The following ZNF441 variants were observed in gnomAD, a reference collection of about 807,000 sequenced individuals.
The protein encoded by ZNF441 is zinc finger protein 441.
ZNF441 carries 25 observed loss-of-function variants against 64.5 expected under a neutral mutation model. That is an observed-to-expected ratio of 0.39 (90% CI 0.28 to 0.54). The LOEUF is 0.54. Ranked by LOEUF, ZNF441 falls within the 20% of genes least tolerant of loss-of-function variation. ZNF441 has a pLI of 0.70. For missense variants in ZNF441, 715 were observed against 843.3 expected (o/e 0.85, Z 1.88); for synonymous variants, 262 against 268.0 (o/e 0.98, Z 0.22).
intron 3 of ZNF441, among the ~76,000 whole-genome samples, chr19:11,779,334 A>G (rs958281315): frequency 8.6e-5 from 13 of 150,638 alleles, no homozygotes; most frequent in Middle Eastern, 3.4e-3. Context: ...AAAAAAAAAA[A>G]AAAGAAAAAG....
At chr19:11,777,783 T>C (rs1231579682) in intron 2 of ZNF441, 46 bp downstream of exon 2, 2 of 1,580,756 alleles carry the variant, frequency 1.3e-6, no homozygotes, top group East Asian at 2.3e-5. Flanking sequence ...GAGACATTTG[T>C]TTCTTGGTCA....
chr19:11,772,018 G>T (rs1405163959), intron 1 of ZNF441, among the ~76,000 whole-genome samples: 2 of 152,124 alleles, frequency 1.3e-5, no homozygotes, highest in African/African-American at 4.8e-5. Context: ...TCTAGATAGC[G>T]GTAGTAAATT....
chr19:11,767,032 A>C lies in ZNF441; in HGVS notation c.-162A>C. On this transcript the variant is annotated 5_prime_UTR_variant, in exon 1 of 4. Transcript: ENST00000357901. This position sits in a 1 kb window ranked among gnomAD's most constrained non-coding sequence, Gnocchi z 5.1. ...AGGCGCACTGACCGGAGGAGGGTGC[A>C]AGGTTCAAAGAGCCCGCCGAGTCTT... The C allele has an allele frequency of 9.6e-7, 1 of 1,037,428 alleles. No individual in the cohort carries two copies. Among genetic ancestry groups the C allele is most frequent in the Admixed American group, 2.3e-5 (1 of 43,202 alleles). The allele number at this position is 1,037,428 out of a possible 1,614,324, so 64.3% of individuals were successfully genotyped here. A position where few individuals can be genotyped will look rare whatever the true frequency, so the allele number is the denominator to read the frequency against.
chr19:11,782,043 C>G lies in ZNF441; in HGVS notation c.*137C>G, dbSNP rs544050239. The G allele has an allele frequency of 1.2e-3, 763 of 614,960 alleles. 1 individual carries two copies. Among genetic ancestry groups the G allele is most frequent in the Middle Eastern group, 7.0e-3 (15 of 2,134 alleles). The allele number at this position is 614,960 out of a possible 1,614,324, so 38.1% of individuals were successfully genotyped here. A position where few individuals can be genotyped will look rare whatever the true frequency, so the allele number is the denominator to read the frequency against. Reference sequence around the variant, plus strand: ...TAAAACCTTCCATTTTTTTCAGTACCTTTTGAAAACATGACCAAACTCATA... The same window carrying G: ...TAAAACCTTCCATTTTTTTCAGTACGTTTTGAAAACATGACCAAACTCATA... On this transcript the variant is annotated 3_prime_UTR_variant, in exon 4 of 4. Transcript: ENST00000357901.
rs1358207168 is a variant in ZNF441 at position 11,781,453 on chromosome 19, C to A, written c.1629C>A (p.Ser543=). 2 of 1,613,944 alleles carry A rather than the reference C, an allele frequency of 1.2e-6. No individual in the cohort carries two copies. Among genetic ancestry groups the A allele is most frequent in the South Asian group, 2.2e-5 (2 of 91,072 alleles). Reference sequence around the variant, plus strand: ...TATGTGGGAAAGGCTTCAGGTCTTCCAGTTACATTCAACTACATGAAAGGA... The same window carrying A: ...TATGTGGGAAAGGCTTCAGGTCTTCAAGTTACATTCAACTACATGAAAGGA... ...CKLCGKGFRS[S]SYIQLHERTH... Residue 543 remains serine (S), a synonymous_variant, in exon 4 of 4, where the codon TCC becomes TCA. Transcript: ENST00000357901.
Position 11,771,302 on chromosome 19 carries a change from T to C in ZNF441, c.3+4106T>C, listed in dbSNP as rs1036096883. The stretch of plus-strand genomic sequence containing the variant: ...ACATGGAATGGACCAATTCCTTGAA[T>C]GACACAAGCTACCAAAACTCACAAA... On this transcript the variant is annotated intron_variant, in intron 1 of 3. Coordinates refer to ENST00000357901, the MANE Select transcript of ZNF441 (RefSeq NM_152355.3). Among the ~76,000 whole-genome samples the C allele has an allele frequency of 3.9e-5, 6 of 152,284 alleles. No homozygotes were observed. The East Asian group carries it at 7.7e-4, about 20-fold the overall frequency.
Position 11,767,250 on chromosome 19 carries a change from C to G in ZNF441, c.3+54C>G. The G allele has an allele frequency of 6.4e-7, 1 of 1,552,248 alleles. No homozygotes were observed. The highest frequency in any genetic ancestry group is 8.7e-7 in the Non-Finnish European group (1 of 1,147,280). ...GCGTGAGAGGAGAGACTGGTTGGAA[C>G]CGGCCGGAACCGGCTGTGGTGGCAC... On this transcript the variant is annotated intron_variant, in intron 1 of 3. Coordinates refer to ENST00000357901, the MANE Select transcript of ZNF441 (RefSeq NM_152355.3). This position sits in a 1 kb window ranked among gnomAD's most constrained non-coding sequence, Gnocchi z 5.1.
At position 11,767,149 on chromosome 19, in the gene ZNF441, A is replaced by G. The variant is rs1975276423; in HGVS notation, c.-45A>G. ...TTCTGTCTCGCTGGGACCCGCACTG[A>G]CAGCGGGAGGCAGAGGGAGGAACCT... On this transcript the variant is annotated 5_prime_UTR_variant, in exon 1 of 4. Transcript: ENST00000357901. This position sits in a 1 kb window ranked among gnomAD's most constrained non-coding sequence, Gnocchi z 5.1. 6.4e-7 allele frequency: 1 copy of G among 1,554,560 alleles called. No homozygotes were observed. Among genetic ancestry groups the G allele is most frequent in the East Asian group, 2.4e-5 (1 of 41,032 alleles).
chr19:11,780,724 A>G lies in ZNF441; in HGVS notation c.900A>G (p.Ile300Met), dbSNP rs909021485. 6.2e-7 allele frequency: 1 copy of G among 1,614,194 alleles called. No homozygotes were observed. The highest frequency in any genetic ancestry group is 1.1e-5 in the South Asian group (1 of 91,088). ...TTGGAAGCTTTCAAAGACACATGAT[A>G]GTGCACACTGGAGATGGGCCTCATA... ...YHLGSFQRHM[I>M]VHTGDGPHKC... is the part of the protein sequence containing the mutation. The change falls in exon 4 of 4, where the codon ATA becomes ATG. Residue 300 changes from isoleucine to methionine, a missense_variant. Ile to Met is a conservative substitution (Grantham distance 10). Coordinates refer to ENST00000357901, the MANE Select transcript of ZNF441 (RefSeq NM_152355.3).
In ZNF441 at chr19:11,781,659, A is replaced by G. The variant is rs750368705; in HGVS notation, c.1835A>G (p.Glu612Gly). ...AGACATGAAAGAACTCACACTGGAG[A>G]GAAACCCTATGAATGCAAGGAATGT... ...VQRHERTHTGEKPYECKECGK... is the reference protein window; with the variant it reads ...VQRHERTHTGGKPYECKECGK... Residue 612 changes from glutamate (E) to glycine (G), a missense_variant, in exon 4 of 4, where the codon GAG becomes GGG. Glu to Gly is a moderately conservative substitution (Grantham distance 98). Coordinates refer to ENST00000357901, the MANE Select transcript of ZNF441 (RefSeq NM_152355.3). 1 of 1,614,190 alleles carries G rather than the reference A, an allele frequency of 6.2e-7. No homozygotes were observed. Among genetic ancestry groups the G allele is most frequent in the Non-Finnish European group, 8.5e-7 (1 of 1,180,018 alleles).
rs979732892 is a variant in ZNF441 at position 11,783,635 on chromosome 19, G to A, written c.*1729G>A. 6.6e-6 allele frequency: 1 copy of A among 152,218 alleles called. No individual in the cohort carries two copies. Among genetic ancestry groups the A allele is most frequent in the African/African-American group, 2.4e-5 (1 of 41,450 alleles). The allele number at this position is 152,218 out of a possible 1,614,324, so 9.4% of individuals were successfully genotyped here. On this transcript the variant is annotated 3_prime_UTR_variant, in exon 4 of 4. Transcript: ENST00000357901. Reference sequence around the variant, plus strand: ...ATTGCTAACAACATGGATGGAACTTGAGGTCATTATGGTAAGTGAAATAAG... The same window carrying A: ...ATTGCTAACAACATGGATGGAACTTAAGGTCATTATGGTAAGTGAAATAAG...
intron 1 of ZNF441, among the ~76,000 whole-genome samples, chr19:11,768,384 C>T (rs446331): frequency 0.33 from 50,884 of 152,074 alleles, 8,897 homozygotes; most frequent in Middle Eastern, 0.4. Flanking sequence ...CCAGACATTT[C>T]GCTGTAAAAA....
At chr19:11,774,524 C>T (rs889925894) in intron 1 of ZNF441, among the ~76,000 whole-genome samples, 10 of 151,976 alleles carry the variant, frequency 6.6e-5, no homozygotes, top group African/African-American at 2.2e-4. Flanking sequence ...TGATTTTTTA[C>T]TTTGGTTGCT....
intron 1 of ZNF441, among the ~76,000 whole-genome samples, chr19:11,776,554 A>AT (rs1422815792): frequency 6.6e-6 from 1 of 152,214 alleles, no homozygotes; most frequent in Admixed American, 6.5e-5. Flanking sequence ...GAGAGATGAC[A>AT]TTGAGTTTTT....
chr19:11,783,599 A>G lies in ZNF441; in HGVS notation c.*1693A>G, dbSNP rs1975421532. ...GGAATACTATTTGGCCATAAAAAAG[A>G]GTAAAATGTTATTGCTAACAACATG... On this transcript the variant is annotated 3_prime_UTR_variant, in exon 4 of 4. Transcript: ENST00000357901. 1 of 152,236 alleles carries G rather than the reference A, an allele frequency of 6.6e-6. No homozygotes were observed. 9.4% of individuals were successfully genotyped at this position (152,236 alleles called of 1,614,324 possible). A position where few individuals can be genotyped will look rare whatever the true frequency, so the allele number is the denominator to read the frequency against.
At position 11,780,066 on chromosome 19, in the gene ZNF441, G is replaced by A; in HGVS notation, c.242G>A (p.Cys81Tyr). The change falls in exon 4 of 4, where the codon TGT becomes TAT. Residue 81 changes from cysteine (C) to tyrosine (Y), a missense_variant. Coordinates refer to ENST00000357901, the MANE Select transcript of ZNF441 (RefSeq NM_152355.3). Reference protein sequence around the residue: ...RACEIKDNSQCGGPFTQTQDS... With the variant: ...RACEIKDNSQYGGPFTQTQDS... Reference sequence around the variant, plus strand: ...TGTGAAATTAAAGATAATAGTCAATGTGGAGGACCCTTTACCCAGACTCAA... The same window carrying A: ...TGTGAAATTAAAGATAATAGTCAATATGGAGGACCCTTTACCCAGACTCAA... 4 of 1,614,114 alleles carry A rather than the reference G, an allele frequency of 2.5e-6. No individual in the cohort carries two copies. The highest frequency in any genetic ancestry group is 2.5e-6 in the Non-Finnish European group (3 of 1,179,944).
chr19:11,781,211 C>T lies in ZNF441; in HGVS notation c.1387C>T (p.Arg463Ter), dbSNP rs752136693. Residue 463 changes from arginine (R) to a stop codon, truncating the protein, a stop_gained, in exon 4 of 4, where the codon CGA (arginine) becomes TGA (stop). Coordinates refer to ENST00000357901, the MANE Select transcript of ZNF441 (RefSeq NM_152355.3). LOFTEE classifies it high-confidence loss of function. ...AGCCTTCAGGTCTTCCAATTACATT[C>T]GAGTACATGAAAAGACTCACACTGG... ...GKAFRSSNYI[R>*]VHEKTHTGEK... 3 of 1,613,480 alleles carry T rather than the reference C, an allele frequency of 1.9e-6. No individual in the cohort carries two copies. Among genetic ancestry groups the T allele is most frequent in the Non-Finnish European group, 2.5e-6 (3 of 1,179,880 alleles).
chr19:11,777,382 CCAA>C (rs1975363502), intron 1 of ZNF441, among the ~76,000 whole-genome samples: 1 of 152,136 alleles, frequency 6.6e-6, no homozygotes, highest in Non-Finnish European at 1.5e-5. Context: ...TCTTAACTTA[CCAA>C]CAAGAGGCGT....
chr19:11,776,968 C>T (rs757640857), intron 1 of ZNF441, among the ~76,000 whole-genome samples: 20 of 152,108 alleles, frequency 1.3e-4, no homozygotes, highest in Non-Finnish European at 2.9e-5. Context: ...ACCACCATAC[C>T]GGGCTAATTT....
Sources: allele counts gnomAD v4.1 joint callset (sites outside exome capture counted in the v4.1 genomes callset), GRCh38; gene constraint gnomAD v4.1.1; non-coding constraint Gnocchi (gnomAD v3.1); transcripts MANE v1.5; gene names NCBI Gene and HGNC (gene_info 2026-07-23, HGNC 2026-07-21).